The following GPC6 variants were observed in gnomAD, a reference collection of about 807,000 sequenced individuals.
The protein encoded by GPC6 is glypican 6.
GPC6 carries 14 observed loss-of-function variants against 55.2 expected under a neutral mutation model. The ratio of observed to expected loss-of-function variants is 0.25; its 90% CI spans 0.17 to 0.40. The LOEUF (loss-of-function observed/expected upper bound fraction) is 0.40, where lower values mean the gene tolerates loss of function less well. Ranked by LOEUF, GPC6 falls within the 10% of genes least tolerant of loss-of-function variation. The pLI, the probability that GPC6 is intolerant of heterozygous loss-of-function variation, is 1.00. For missense variants in GPC6, 641 were observed against 708.5 expected (o/e 0.90, Z 1.08); for synonymous variants, 278 against 259.6 (o/e 1.07, Z -0.68).
At chr13:94,126,659 A>G (rs1886828336) in intron 4 of GPC6, among the ~76,000 whole-genome samples, 1 of 152,152 alleles carries the variant, frequency 6.6e-6, no homozygotes, top group Non-Finnish European at 1.5e-5. Flanking sequence ...AGGAGAAATA[A>G]GTAACAGGGG....
intron 2 of GPC6, among the ~76,000 whole-genome samples, chr13:93,639,925 C>T (rs1235242821): frequency 6.6e-6 from 1 of 152,034 alleles, no homozygotes; most frequent in Non-Finnish European, 1.5e-5. Flanking sequence ...GTAGCTTTAT[C>T]ACCAATAGAA....
intron 3 of GPC6, among the ~76,000 whole-genome samples, chr13:93,872,846 C>G (rs1206951790): frequency 6.6e-6 from 1 of 151,940 alleles, no homozygotes; most frequent in African/African-American, 2.4e-5. Context: ...TGTTTGTTTC[C>G]AGAATGTCTT....
intron 2 of GPC6, among the ~76,000 whole-genome samples, chr13:93,597,007 C>CAAAAAAAAAAAAAA (rs10709473): frequency 1.3e-4 from 9 of 68,048 alleles, no homozygotes; most frequent in Non-Finnish European, 2.8e-4. Flanking sequence ...TCAAATCTGG[C>CAAAAAAAAAAAAAA]AAAAAAAAAA....
rs561072741 is a variant in GPC6 at position 93,949,294 on chromosome 13, C to G, written c.712-78435C>G. Among the ~76,000 whole-genome samples, 12 of 152,320 alleles carry G rather than the reference C, an allele frequency of 7.9e-5. No individual in the cohort carries two copies. The South Asian group carries it at 2.1e-3, about 26-fold the overall frequency. On this transcript the variant is annotated intron_variant, in intron 3 of 8. Coordinates refer to ENST00000377047, the MANE Select transcript of GPC6 (RefSeq NM_005708.5). ...CAATTTATGACTATCCACTTATGTT[C>G]TGCTTTGCCTGGCATAGACAATGAC...
At chr13:93,681,143 A>G (rs1881831602) in intron 2 of GPC6, among the ~76,000 whole-genome samples, 1 of 152,184 alleles carries the variant, frequency 6.6e-6, no homozygotes, top group African/African-American at 2.4e-5. Context: ...TATGAAGAAG[A>G]TAACTCCAAA....
intron 6 of GPC6, among the ~76,000 whole-genome samples, chr13:94,328,512 G>A (rs915471573): frequency 3.3e-5 from 5 of 152,146 alleles, no homozygotes; most frequent in Admixed American, 1.3e-4. Flanking sequence ...CTGTTCTGTC[G>A]CTGTCCTGTC....
chr13:94,101,967 G>C (rs988799728), intron 4 of GPC6, among the ~76,000 whole-genome samples: 1 of 151,872 alleles, frequency 6.6e-6, no homozygotes, highest in Non-Finnish European at 1.5e-5. Flanking sequence ...TGAGACAATG[G>C]AATGAGCAAT....
At chr13:93,777,071 G>C (rs1237462489) in intron 2 of GPC6, among the ~76,000 whole-genome samples, 4 of 152,198 alleles carry the variant, frequency 2.6e-5, no homozygotes, top group African/African-American at 9.6e-5. Flanking sequence ...TTCCAAAAAG[G>C]ACATACTTCC....
chr13:93,255,415 C>G (rs931783786), intron 1 of GPC6, among the ~76,000 whole-genome samples: 4 of 152,142 alleles, frequency 2.6e-5, no homozygotes, highest in African/African-American at 9.7e-5. Context: ...CCATACTGAT[C>G]TAACACTGTC....
chr13:93,757,791 G>A (rs1473732712), intron 2 of GPC6, among the ~76,000 whole-genome samples: 4 of 152,154 alleles, frequency 2.6e-5, no homozygotes, highest in African/African-American at 9.7e-5. Context: ...TGTGGATTCT[G>A]CCATTTAGGC....
intron 2 of GPC6, among the ~76,000 whole-genome samples, chr13:93,798,039 T>G (rs1032287362): frequency 6.6e-6 from 1 of 152,156 alleles, no homozygotes; most frequent in East Asian, 1.9e-4. Context: ...TATGTTGGTT[T>G]GTACTTCCCT....
intron 2 of GPC6, among the ~76,000 whole-genome samples, chr13:93,695,623 A>C (rs1882424707): frequency 6.6e-6 from 1 of 152,114 alleles, no homozygotes; most frequent in Non-Finnish European, 1.5e-5. Context: ...AATATTTCTT[A>C]GATTTTTTAA....
At chr13:93,266,323 A>G (rs1877323236) in intron 1 of GPC6, among the ~76,000 whole-genome samples, 1 of 152,192 alleles carries the variant, frequency 6.6e-6, no homozygotes, top group Admixed American at 6.6e-5. Flanking sequence ...TACATTATAG[A>G]CGCACTAACA....
intron 1 of GPC6, among the ~76,000 whole-genome samples, chr13:93,340,636 G>A (rs1880223701): frequency 6.6e-6 from 1 of 152,132 alleles, no homozygotes; most frequent in Non-Finnish European, 1.5e-5. Flanking sequence ...GTGGGAGAGA[G>A]CTTGGTATGC....
intron 3 of GPC6, among the ~76,000 whole-genome samples, chr13:94,016,898 G>A (rs981419484): frequency 4.0e-5 from 6 of 151,180 alleles, no homozygotes; most frequent in Non-Finnish European, 5.9e-5. Context: ...GCAATGGTGC[G>A]ATCTCAGCTC....
intron 2 of GPC6, among the ~76,000 whole-genome samples, chr13:93,782,238 A>G (rs564467663): frequency 6.6e-6 from 1 of 152,268 alleles, no homozygotes; most frequent in East Asian, 1.9e-4. Flanking sequence ...AGGTTCATCC[A>G]TGTTGACCCA....
chr13:94,361,505 T>A (rs1879058098), intron 6 of GPC6, among the ~76,000 whole-genome samples: 1 of 152,284 alleles, frequency 6.6e-6, no homozygotes, highest in Non-Finnish European at 1.5e-5. Flanking sequence ...ACAGTAGGTT[T>A]GCATTAGATG....
chr13:93,393,828 C>T (rs749556790), intron 1 of GPC6, among the ~76,000 whole-genome samples: 26 of 152,106 alleles, frequency 1.7e-4, no homozygotes, highest in African/African-American at 3.1e-4. Context: ...TCCCTGCCCA[C>T]GCTCTCTTAA....
chr13:94,288,825 A>ATG (rs1348111775), intron 5 of GPC6, among the ~76,000 whole-genome samples: 1 of 118,968 alleles, frequency 8.4e-6, no homozygotes, highest in East Asian at 2.1e-4. Flanking sequence ...ATAAATATAT[A>ATG]TATTTGTTAT....
Sources: gnomAD v4.1 joint callset for allele counts (sites outside exome capture counted in the v4.1 genomes callset) on GRCh38, gnomAD v4.1.1 for gene constraint, MANE v1.5 for transcripts, NCBI Gene and HGNC (gene_info 2026-07-23, HGNC 2026-07-21) for gene names.